Variants in NKAIN2 observed in about 807,000 individuals in gnomAD.
The protein encoded by NKAIN2 is sodium/potassium-transporting ATPase subunit beta-1-interacting protein 2.
NKAIN2 carries 14 observed loss-of-function variants against 32.6 expected under a neutral mutation model. The ratio of observed to expected loss-of-function variants is 0.43; its 90% CI spans 0.28 to 0.67. NKAIN2 has a LOEUF of 0.67. Among genes scored for constraint, NKAIN2 ranks in the 30% least tolerant of loss-of-function variants. The pLI, the probability that NKAIN2 is intolerant of heterozygous loss-of-function variation, is 0.17. For synonymous variants in NKAIN2, 80 were observed against 87.2 expected (o/e 0.92, Z 0.46); for missense variants, 198 against 258.3 (o/e 0.77, Z 1.60).
chr6:123,926,163 A>C (rs1325030813), intron 1 of NKAIN2, among the ~76,000 whole-genome samples: 1 of 152,198 alleles, frequency 6.6e-6, no homozygotes, highest in Non-Finnish European at 1.5e-5. Flanking sequence ...AGATTTCAAC[A>C]TATGAATTTG....
chr6:124,284,523 C>T (rs1272938444), intron 2 of NKAIN2, among the ~76,000 whole-genome samples: 1 of 151,812 alleles, frequency 6.6e-6, no homozygotes, highest in African/African-American at 2.4e-5. Flanking sequence ...TTTTATTAGA[C>T]TTTGAGGTTC....
intron 1 of NKAIN2, among the ~76,000 whole-genome samples, chr6:124,201,971 AT>A (rs1340787633): frequency 2.6e-5 from 4 of 151,958 alleles, no homozygotes; most frequent in Admixed American, 2.6e-4. Flanking sequence ...AGCATATTTC[AT>A]GTTTGGTTGT....
chr6:124,459,151 G>A (rs1404549671), intron 3 of NKAIN2, among the ~76,000 whole-genome samples: 1 of 151,804 alleles, frequency 6.6e-6, no homozygotes, highest in Non-Finnish European at 1.5e-5. Context: ...CTGGCCCACT[G>A]AGGCAAAGAG....
intron 1 of NKAIN2, among the ~76,000 whole-genome samples, chr6:124,028,632 A>G (rs753543447): frequency 4.9e-4 from 73 of 149,430 alleles, no homozygotes; most frequent in Non-Finnish European, 8.7e-4. Flanking sequence ...AAATAAATAC[A>G]CATTGTTTGG....
At chr6:124,433,738 A>T (rs1489253154) in intron 3 of NKAIN2, among the ~76,000 whole-genome samples, 3 of 152,154 alleles carry the variant, frequency 2.0e-5, no homozygotes, top group Non-Finnish European at 4.4e-5. Flanking sequence ...ACAAGAGGCT[A>T]CCATGAATAT....
At chr6:124,389,954 G>A (rs2114409955) in intron 3 of NKAIN2, among the ~76,000 whole-genome samples, 1 of 152,034 alleles carries the variant, frequency 6.6e-6, no homozygotes, top group South Asian at 2.1e-4. Flanking sequence ...ATATTCCTGG[G>A]CCATTAACAA....
intron 1 of NKAIN2, among the ~76,000 whole-genome samples, chr6:124,184,471 A>G (rs1019322039): frequency 1.3e-5 from 2 of 152,162 alleles, no homozygotes; most frequent in Non-Finnish European, 2.9e-5. Flanking sequence ...GTCATTTGGC[A>G]CTGTACTCAC....
At chr6:123,847,120 T>C (rs2114948398) in intron 1 of NKAIN2, among the ~76,000 whole-genome samples, 1 of 152,230 alleles carries the variant, frequency 6.6e-6, no homozygotes, top group Non-Finnish European at 1.5e-5. Context: ...CATCTGTCAA[T>C]ACATACATAT....
chr6:124,584,305 C>T, intron 3 of NKAIN2, among the ~76,000 whole-genome samples: 1 of 152,078 alleles, frequency 6.6e-6, no homozygotes. Flanking sequence ...AGGAAAATAT[C>T]TAATAATTTG....
In NKAIN2 at chr6:123,955,458, T is replaced by C. The variant is rs1777529542; in HGVS notation, c.54+151204T>C. Among the ~76,000 whole-genome samples, 6 of 151,980 alleles carry C rather than the reference T, an allele frequency of 3.9e-5. No homozygotes were observed. In the South Asian group the frequency reaches 1.2e-3, roughly 31 times the overall value. ...ATTTAAATATTTAGGTAACTTTGCATGAGACACTATTCATTCCACAAATTC... is the reference window on the plus strand; with the variant it reads ...ATTTAAATATTTAGGTAACTTTGCACGAGACACTATTCATTCCACAAATTC... On this transcript the variant is annotated intron_variant, in intron 1 of 6. Transcript: ENST00000368417.
chr6:123,989,123 A>G (rs561611293), intron 1 of NKAIN2, among the ~76,000 whole-genome samples: 97 of 152,152 alleles, frequency 6.4e-4, no homozygotes, highest in Non-Finnish European at 4.6e-4. Flanking sequence ...GGGTTATGTG[A>G]GGATGTTCCA....
chr6:124,003,317 C>A (rs1779949709), intron 1 of NKAIN2, among the ~76,000 whole-genome samples: 1 of 152,080 alleles, frequency 6.6e-6, no homozygotes, highest in Non-Finnish European at 1.5e-5. Flanking sequence ...TAATGTGGGA[C>A]CATCTTACAT....
At chr6:124,789,698 T>G (rs927897143) in intron 4 of NKAIN2, among the ~76,000 whole-genome samples, 1 of 152,016 alleles carries the variant, frequency 6.6e-6, no homozygotes, top group African/African-American at 2.4e-5. Flanking sequence ...TTTTAATTAG[T>G]ACTCGGAACT....
chr6:124,310,567 C>CCTA (rs1161582428), intron 2 of NKAIN2, among the ~76,000 whole-genome samples: 1 of 151,922 alleles, frequency 6.6e-6, no homozygotes, highest in Non-Finnish European at 1.5e-5. Flanking sequence ...ATATTACTGT[C>CCTA]CCTTGGAGGA....
At chr6:124,223,609 GAGA>G (rs1440018872) in intron 1 of NKAIN2, among the ~76,000 whole-genome samples, 1 of 152,166 alleles carries the variant, frequency 6.6e-6, no homozygotes, top group Admixed American at 6.5e-5. Flanking sequence ...CACTGATAAA[GAGA>G]CTTAAAATCT....
chr6:123,949,773 A>G (rs1689696441), intron 1 of NKAIN2, among the ~76,000 whole-genome samples: 2 of 151,962 alleles, frequency 1.3e-5, no homozygotes, highest in Non-Finnish European at 2.9e-5. Flanking sequence ...TTCTTCTTCA[A>G]TTTTGATGCT....
chr6:123,976,969 A>G (rs1209140503), intron 1 of NKAIN2, among the ~76,000 whole-genome samples: 2 of 152,102 alleles, frequency 1.3e-5, no homozygotes, highest in African/African-American at 4.8e-5. Context: ...TCCAGGTCTA[A>G]TTTTATCCAG....
intron 3 of NKAIN2, among the ~76,000 whole-genome samples, chr6:124,413,005 T>G (rs1000493123): frequency 2.0e-5 from 3 of 152,134 alleles, no homozygotes; most frequent in African/African-American, 7.2e-5. Flanking sequence ...GGTGTGCCGT[T>G]TGTTAAGCCC....
At chr6:124,550,975 A>T (rs971008986) in intron 3 of NKAIN2, among the ~76,000 whole-genome samples, 4 of 152,170 alleles carry the variant, frequency 2.6e-5, no homozygotes, top group African/African-American at 9.7e-5. Flanking sequence ...TCAACCTAAT[A>T]GTAGAATTGC....
Sources: gnomAD v4.1 joint callset for allele counts (sites outside exome capture counted in the v4.1 genomes callset) on GRCh38, gnomAD v4.1.1 for gene constraint, MANE v1.5 for transcripts, NCBI Gene and HGNC (gene_info 2026-07-23, HGNC 2026-07-21) for gene names.